The following CHN2 variants were observed in gnomAD, a reference collection of about 807,000 sequenced individuals.
CHN2 encodes the protein beta-chimaerin.
CHN2 carries 35 observed loss-of-function variants against 56.3 expected under a neutral mutation model. That is an observed-to-expected ratio of 0.62 (90% confidence interval 0.47 to 0.82). The LOEUF is 0.82. CHN2 is among the 40% of genes least tolerant of loss of function. The pLI is 0.00. For synonymous variants in CHN2, 210 were observed against 212.8 expected (o/e 0.99, Z 0.12); for missense variants, 491 against 580.5 (o/e 0.85, Z 1.58).
intron 2 of CHN2, among the ~76,000 whole-genome samples, chr7:29,166,457 T>TTTTG (rs1231070047): frequency 6.6e-6 from 1 of 151,608 alleles, no homozygotes; most frequent in East Asian, 1.9e-4. Context: ...TTTTCTGGGT[T>TTTTG]TTTGTTTGTT....
intron 2 of CHN2, among the ~76,000 whole-genome samples, chr7:29,161,436 C>A (rs143716591): frequency 0.012 from 1,876 of 152,306 alleles, 24 homozygotes; most frequent in South Asian, 0.022. Context: ...ACCCAACTTC[C>A]CTTTCCAGCT....
chr7:29,364,811 A>C (rs1312640407), intron 2 of CHN2, among the ~76,000 whole-genome samples: 1 of 152,214 alleles, frequency 6.6e-6, no homozygotes, highest in African/African-American at 2.4e-5. Context: ...TAAAGTATAC[A>C]TTGAGGAATC....
At chr7:29,367,905 T>C in intron 2 of CHN2, 27 bp from the exon 3 acceptor site, 1 of 1,484,500 alleles carries the variant, frequency 6.7e-7, no homozygotes, top group Non-Finnish European at 9.2e-7. Context: ...TAATTATTTC[T>C]CTCTCTCTCT....
At chr7:29,453,042 T>C (rs901756238) in intron 6 of CHN2, among the ~76,000 whole-genome samples, 1 of 152,262 alleles carries the variant, frequency 6.6e-6, no homozygotes, top group Admixed American at 6.5e-5. Context: ...TGCTAGCTGG[T>C]TGTTGACACT....
At chr7:29,365,778 AATGTGAGGCC>A (rs1799110296) in intron 2 of CHN2, among the ~76,000 whole-genome samples, 1 of 152,218 alleles carries the variant, frequency 6.6e-6, no homozygotes, top group Non-Finnish European at 1.5e-5. Flanking sequence ...CTCTGAGAGC[AATGTGAGGCC>A]ATGTAAGGCT....
intron 1 of CHN2, among the ~76,000 whole-genome samples, chr7:29,343,483 C>T (rs1797196961): frequency 1.3e-5 from 2 of 152,108 alleles, no homozygotes; most frequent in Non-Finnish European, 2.9e-5. Flanking sequence ...TCTACTTGAC[C>T]TTCACATCAC....
intron 2 of CHN2, among the ~76,000 whole-genome samples, chr7:29,356,246 A>G (rs1798307948): frequency 1.3e-5 from 2 of 152,162 alleles, no homozygotes; most frequent in South Asian, 4.1e-4. Flanking sequence ...AATCTTATAT[A>G]TACCTATGTG....
chr7:29,265,120 G>A (rs1410348230), intron 1 of CHN2, among the ~76,000 whole-genome samples: 1 of 152,136 alleles, frequency 6.6e-6, no homozygotes, highest in African/African-American at 2.4e-5. Context: ...ACGGCATCAT[G>A]GGCTGCCCTT....
At chr7:29,354,781 A>C in intron 2 of CHN2, 118 bp downstream of exon 2, 1 of 855,876 alleles carries the variant, frequency 1.2e-6, no homozygotes, top group South Asian at 1.5e-5. Context: ...TGAAAACCCA[A>C]ATCTTTCTTT....
chr7:29,458,757 C>T (rs539355073), intron 6 of CHN2, among the ~76,000 whole-genome samples: 33 of 152,314 alleles, frequency 2.2e-4, no homozygotes, highest in Admixed American at 6.5e-4. Flanking sequence ...CTCTATCAAG[C>T]GTCTTAGTTT....
intron 2 of CHN2, among the ~76,000 whole-genome samples, chr7:29,180,317 A>G (rs931667214): frequency 3.9e-5 from 6 of 152,142 alleles, no homozygotes; most frequent in African/African-American, 1.4e-4. Context: ...CAAGGTCAGG[A>G]CAGATTGAGA....
intron 2 of CHN2, among the ~76,000 whole-genome samples, chr7:29,358,604 A>G (rs545769771): frequency 1.0e-3 from 155 of 152,006 alleles, no homozygotes; most frequent in Middle Eastern, 6.8e-3. Context: ...CTGGGACTAC[A>G]GGCACCCGCC....
chr7:29,438,430 A>G (rs1236369739), intron 6 of CHN2, among the ~76,000 whole-genome samples: 1 of 152,198 alleles, frequency 6.6e-6, no homozygotes, highest in Non-Finnish European at 1.5e-5. Flanking sequence ...ATCATTTTTA[A>G]TGGCTGCGTA....
intron 2 of CHN2, among the ~76,000 whole-genome samples, chr7:29,355,772 ATTTTTTT>A (rs1167339692): frequency 1.1e-4 from 6 of 52,366 alleles, no homozygotes; most frequent in African/African-American, 1.5e-4. Flanking sequence ...AGATGGGACT[ATTTTTTT>A]TTTTTTTTTT....
intron 1 of CHN2, among the ~76,000 whole-genome samples, chr7:29,262,915 G>A (rs1420268133): frequency 1.3e-5 from 2 of 150,780 alleles, no homozygotes. Context: ...TGCACATCCT[G>A]CACATATACC....
chr7:29,255,204 C>T (rs540331810), intron 1 of CHN2, among the ~76,000 whole-genome samples: 4 of 152,228 alleles, frequency 2.6e-5, no homozygotes, highest in Non-Finnish European at 5.9e-5. Flanking sequence ...GGGAGACCTG[C>T]TTCTGCATTT....
chr7:29,320,842 C>G (rs368208715), intron 1 of CHN2, among the ~76,000 whole-genome samples: 2 of 152,168 alleles, frequency 1.3e-5, no homozygotes, highest in Non-Finnish European at 1.5e-5. Flanking sequence ...TTCTTCCTTT[C>G]ACCTCATATC....
In CHN2 at chr7:29,513,017, A is replaced by G; in HGVS notation, c.*282A>G. On this transcript the variant is annotated 3_prime_UTR_variant, in exon 13 of 13. Coordinates refer to ENST00000222792, the MANE Select transcript of CHN2 (RefSeq NM_004067.4). ...GTGATTAATACATCTTTAATTTATT[A>G]AAAAACAATGTAGACCTTTAAACTT... 1 of 280,158 alleles carries G rather than the reference A, an allele frequency of 3.6e-6. No individual in the cohort carries two copies. Among genetic ancestry groups the G allele is most frequent in the Non-Finnish European group, 6.6e-6 (1 of 150,726 alleles). 17.4% of individuals were successfully genotyped at this position (280,158 alleles called of 1,614,324 possible).
intron 4 of CHN2, among the ~76,000 whole-genome samples, chr7:29,395,393 C>T (rs1380767410): frequency 2.0e-5 from 3 of 152,086 alleles, no homozygotes; most frequent in Admixed American, 2.0e-4. Context: ...CATGGTGGCA[C>T]ATGCCTATGG....
Sources: gnomAD v4.1 joint callset for allele counts (sites outside exome capture counted in the v4.1 genomes callset) on GRCh38, gnomAD v4.1.1 for gene constraint, MANE v1.5 for transcripts, NCBI Gene and HGNC (gene_info 2026-07-23, HGNC 2026-07-21) for gene names.